Variants in DGKB observed in about 807,000 individuals in gnomAD.
The protein encoded by DGKB is diacylglycerol kinase beta, also known as 90 kDa diacylglycerol kinase.
Under a neutral mutation model 114.3 loss-of-function variants are expected in DGKB, and 67 were observed. The observed-to-expected ratio is 0.59, with a 90% CI of 0.48 to 0.72. The LOEUF (loss-of-function observed/expected upper bound fraction) is 0.72. Ranked by LOEUF, DGKB falls within the 30% of genes least tolerant of loss-of-function variation. The pLI is 0.00. For synonymous variants in DGKB, 398 were observed against 323.1 expected (o/e 1.23, Z -2.49); for missense variants, 907 against 975.2 (o/e 0.93, Z 0.93).
At chr7:14,170,518 T>A (rs1457510838) in intron 25 of DGKB, among the ~76,000 whole-genome samples, 2 of 152,192 alleles carry the variant, frequency 1.3e-5, no homozygotes, top group African/African-American at 4.8e-5. Context: ...CAGGCTGTTC[T>A]TATGTCTTGA....
chr7:14,173,197 TA>T (rs1781265053), intron 25 of DGKB, among the ~76,000 whole-genome samples: 1 of 152,204 alleles, frequency 6.6e-6, no homozygotes, highest in African/African-American at 2.4e-5. Context: ...GTCCTAAAAA[TA>T]ATTACCAAGT....
At chr7:14,185,997 T>C (rs1321510789) in intron 23 of DGKB, among the ~76,000 whole-genome samples, 3 of 151,990 alleles carry the variant, frequency 2.0e-5, no homozygotes, top group Admixed American at 2.0e-4. Context: ...GCAAATGCAA[T>C]AAAAACAAAG....
intron 21 of DGKB, among the ~76,000 whole-genome samples, chr7:14,461,161 A>G (rs1221935300): frequency 6.6e-6 from 1 of 152,188 alleles, no homozygotes; most frequent in Non-Finnish European, 1.5e-5. Context: ...AAGGTCTAAA[A>G]TCAACACCCT....
At chr7:14,310,575 G>T (rs1420376670) in intron 23 of DGKB, among the ~76,000 whole-genome samples, 1 of 152,124 alleles carries the variant, frequency 6.6e-6, no homozygotes, top group Non-Finnish European at 1.5e-5. Flanking sequence ...GGAGGTTAAG[G>T]CCAGGCACCC....
chr7:14,474,094 A>G (rs1408478641), intron 21 of DGKB, among the ~76,000 whole-genome samples: 1 of 152,198 alleles, frequency 6.6e-6, no homozygotes, highest in Non-Finnish European at 1.5e-5. Flanking sequence ...GGGAGGGGCC[A>G]TGGGCAGAAT....
At chr7:14,473,963 T>C (rs1355565288) in intron 21 of DGKB, among the ~76,000 whole-genome samples, 1 of 152,210 alleles carries the variant, frequency 6.6e-6, no homozygotes, top group African/African-American at 2.4e-5. Context: ...CAAAAGGGAC[T>C]TGCCTTGTCT....
In DGKB at chr7:14,536,765, G is replaced by A. The variant is rs116827459; in HGVS notation, c.1770+37447C>T. The stretch of plus-strand genomic sequence containing the variant: ...AAAGCTTTTCCTCTAAGATGTGAAA[G>A]AAGGCAAGGATGCTCATTCTCACCA... On this transcript the variant is annotated intron_variant, in intron 20 of 25. Coordinates refer to ENST00000402815, the MANE Select transcript of DGKB (RefSeq NM_001350709.2). 6.8e-3 allele frequency among the ~76,000 whole-genome samples: 1,035 copies of A among 152,026 alleles called. 11 individuals are homozygous for A. The highest frequency in any genetic ancestry group is 0.023 in the African/African-American group (974 of 41,480).
chr7:14,170,668 T>A (rs928086604), intron 25 of DGKB, among the ~76,000 whole-genome samples: 1 of 152,190 alleles, frequency 6.6e-6, no homozygotes, highest in Non-Finnish European at 1.5e-5. Context: ...ACTAACACTT[T>A]AATGTTATGA....
intron 14 of DGKB, among the ~76,000 whole-genome samples, chr7:14,623,612 G>T (rs1808039240): frequency 6.6e-6 from 1 of 152,036 alleles, no homozygotes; most frequent in South Asian, 2.1e-4. Flanking sequence ...CATTTACCTT[G>T]CAATTCCATG....
At chr7:14,661,923 G>A (rs969127769) in intron 13 of DGKB, among the ~76,000 whole-genome samples, 2 of 152,106 alleles carry the variant, frequency 1.3e-5, no homozygotes, top group Non-Finnish European at 2.9e-5. Flanking sequence ...GATGAAATTG[G>A]AAAGCATCAT....
intron 23 of DGKB, among the ~76,000 whole-genome samples, chr7:14,240,868 C>A (rs1397426996): frequency 2.0e-5 from 3 of 152,008 alleles, no homozygotes; most frequent in Non-Finnish European, 4.4e-5. Context: ...ACAGAGGTAT[C>A]TGAAAATGTT....
intron 2 of DGKB, among the ~76,000 whole-genome samples, chr7:14,772,907 A>G (rs1335572375): frequency 1.3e-5 from 2 of 152,114 alleles, no homozygotes; most frequent in Non-Finnish European, 2.9e-5. Flanking sequence ...TTCAGCAAGC[A>G]GCAGCACTGA....
intron 20 of DGKB, among the ~76,000 whole-genome samples, chr7:14,480,342 C>T (rs1189789109): frequency 1.3e-5 from 2 of 152,050 alleles, no homozygotes; most frequent in South Asian, 2.1e-4. Context: ...CAGGTCTTTT[C>T]CTTGTGTTGA....
intron 4 of DGKB, among the ~76,000 whole-genome samples, chr7:14,743,925 C>G (rs1917552): frequency 0.64 from 97,436 of 151,574 alleles, 34,990 homozygotes; most frequent in Non-Finnish European, 0.81. Context: ...TTTGGAGACT[C>G]TAACACTGGA....
At chr7:14,718,402 G>A (rs1003890278) in intron 6 of DGKB, 140 bp downstream of exon 6, 6 of 618,684 alleles carry the variant, frequency 9.7e-6, no homozygotes, top group Admixed American at 4.0e-5. Context: ...CTCAGCAGGA[G>A]GAAATTTTTA....
intron 2 of DGKB, among the ~76,000 whole-genome samples, chr7:14,834,343 T>G (rs1297525822): frequency 6.6e-6 from 1 of 152,170 alleles, no homozygotes; most frequent in African/African-American, 2.4e-5. Context: ...TAGGTTCTAT[T>G]TTACTCCTGT....
At chr7:14,375,519 G>T (rs919169676) in intron 21 of DGKB, among the ~76,000 whole-genome samples, 1 of 152,172 alleles carries the variant, frequency 6.6e-6, no homozygotes, top group African/African-American at 2.4e-5. Context: ...ATCAGGTATT[G>T]GCTTCATAGA....
intron 20 of DGKB, among the ~76,000 whole-genome samples, chr7:14,555,834 A>C (rs2128655998): frequency 6.6e-6 from 1 of 152,300 alleles, no homozygotes; most frequent in Admixed American, 6.5e-5. Flanking sequence ...CAGTTGACAA[A>C]TGCCATGGCA....
At chr7:14,822,648 G>T (rs1324699193) in intron 2 of DGKB, among the ~76,000 whole-genome samples, 1 of 152,132 alleles carries the variant, frequency 6.6e-6, no homozygotes, top group Non-Finnish European at 1.5e-5. Flanking sequence ...CTATTCTACA[G>T]TGTATTTAGA....
Sources: allele counts gnomAD v4.1 joint callset (sites outside exome capture counted in the v4.1 genomes callset), GRCh38; gene constraint gnomAD v4.1.1; transcripts MANE v1.5; gene names NCBI Gene and HGNC (gene_info 2026-07-23, HGNC 2026-07-21).